ZFAND3: variants seen among roughly 807,000 people sequenced by gnomAD.
ZFAND3 encodes the protein zinc finger AN1-type containing 3.
Under a neutral mutation model 29.6 loss-of-function variants are expected in ZFAND3, and 10 were observed. The observed-to-expected ratio is 0.34, with a 90% confidence interval of 0.21 to 0.57. ZFAND3 has a LOEUF of 0.57. Ranked by LOEUF, ZFAND3 falls within the 20% of genes least tolerant of loss-of-function variation. ZFAND3 has a pLI of 0.86. For missense variants in ZFAND3, 230 were observed against 304.5 expected, an observed-to-expected ratio of 0.76 and a Z score of 1.82; for synonymous variants, 128 against 112.6, an observed-to-expected ratio of 1.14 and a Z score of -0.87.
At chr6:37,910,855 G>C (rs780179900) in intron 1 of ZFAND3, among the ~76,000 whole-genome samples, 2 of 152,078 alleles carry the variant, frequency 1.3e-5, no homozygotes, top group Non-Finnish European at 2.9e-5. Context: ...GGTTCATCCA[G>C]GTTTTTACAA....
intron 1 of ZFAND3, among the ~76,000 whole-genome samples, chr6:37,922,714 T>C (rs1190537069): frequency 1.3e-5 from 2 of 152,208 alleles, no homozygotes; most frequent in Non-Finnish European, 2.9e-5. Context: ...TATTGAATAC[T>C]GTAGGCAGTT....
chr6:38,100,591 C>A (rs1305755258), intron 4 of ZFAND3, among the ~76,000 whole-genome samples: 1 of 152,224 alleles, frequency 6.6e-6, no homozygotes, highest in East Asian at 1.9e-4. Flanking sequence ...TCTGACCCTA[C>A]TGTTGATTAC....
At chr6:37,896,198 C>T (rs914510402) in intron 1 of ZFAND3, among the ~76,000 whole-genome samples, 1 of 151,808 alleles carries the variant, frequency 6.6e-6, no homozygotes, top group Admixed American at 6.6e-5. Flanking sequence ...TTACAGTATC[C>T]TTTTTTTCTG....
chr6:37,921,827 C>CT (rs1453054401), intron 1 of ZFAND3, among the ~76,000 whole-genome samples: 1 of 149,480 alleles, frequency 6.7e-6, no homozygotes, highest in African/African-American at 2.5e-5. Flanking sequence ...AGGTAGATTG[C>CT]TTGAGCTCAC....
chr6:37,882,457 G>T (rs1485364687), intron 1 of ZFAND3, among the ~76,000 whole-genome samples: 2 of 152,128 alleles, frequency 1.3e-5, no homozygotes, highest in African/African-American at 4.8e-5. Flanking sequence ...TGCTTGAAAG[G>T]ATTGCATGGC....
chr6:38,138,635 GA>G (rs1464747608), intron 5 of ZFAND3, among the ~76,000 whole-genome samples: 1 of 152,186 alleles, frequency 6.6e-6, no homozygotes, highest in African/African-American at 2.4e-5. Flanking sequence ...GTGCAGAGCC[GA>G]TTCAGGACAT....
intron 1 of ZFAND3, among the ~76,000 whole-genome samples, chr6:37,894,826 C>T (rs1458012691): frequency 1.3e-5 from 2 of 152,192 alleles, no homozygotes; most frequent in African/African-American, 4.8e-5. Context: ...AGATGTTGCT[C>T]TACTGTCTTT....
rs753448448 is a variant in ZFAND3, at chr6:38,152,282, A to G, written c.577A>G (p.Thr193Ala). ...TCGCCTCCCCGAGCAGCACGACTGCACATTCGACCACATGGGCCGTGGCCG... is the reference window on the plus strand; with the variant it reads ...TCGCCTCCCCGAGCAGCACGACTGCGCATTCGACCACATGGGCCGTGGCCG... ...LHRLPEQHDC[T>A]FDHMGRGREE... Residue 193 changes from threonine (T) to alanine (A), a missense_variant, in exon 6 of 6, where the codon ACA (threonine) becomes GCA (alanine). Coordinates refer to ENST00000287218, the MANE Select transcript of ZFAND3 (RefSeq NM_021943.3). The G allele has an allele frequency of 6.2e-7, 1 of 1,604,526 alleles. No individual in the cohort carries two copies. Among genetic ancestry groups the G allele is most frequent in the Non-Finnish European group, 8.5e-7 (1 of 1,176,118 alleles).
chr6:37,886,005 A>T (rs1764982696), intron 1 of ZFAND3, among the ~76,000 whole-genome samples: 1 of 151,912 alleles, frequency 6.6e-6, no homozygotes, highest in African/African-American at 2.4e-5. Flanking sequence ...TGGGAAGCTG[A>T]GGTGGGTGGA....
intron 5 of ZFAND3, among the ~76,000 whole-genome samples, chr6:38,124,378 G>A (rs895720731): frequency 6.6e-6 from 1 of 152,206 alleles, no homozygotes; most frequent in African/African-American, 2.4e-5. Flanking sequence ...TGGAGCAGGG[G>A]GCGGCGCTCC....
chr6:38,074,826 T>A (rs1488747417), intron 3 of ZFAND3, among the ~76,000 whole-genome samples: 1 of 152,188 alleles, frequency 6.6e-6, no homozygotes, highest in East Asian at 1.9e-4. Context: ...TGACTTTAAG[T>A]GGAAGCCAGT....
At chr6:37,880,455 A>G (rs959412837) in intron 1 of ZFAND3, among the ~76,000 whole-genome samples, 9 of 152,224 alleles carry the variant, frequency 5.9e-5, no homozygotes, top group Admixed American at 2.6e-4. Context: ...AGAATCTTTC[A>G]CCAGAGATGT....
At chr6:37,987,154 A>AAT (rs1477094811) in intron 2 of ZFAND3, among the ~76,000 whole-genome samples, 2 of 152,222 alleles carry the variant, frequency 1.3e-5, no homozygotes, top group East Asian at 3.8e-4. Context: ...AAAACATTAT[A>AAT]AACTCAGAAC....
intron 2 of ZFAND3, among the ~76,000 whole-genome samples, chr6:37,985,733 C>T (rs1188168748): frequency 6.6e-6 from 1 of 152,096 alleles, no homozygotes; most frequent in Admixed American, 6.6e-5. Flanking sequence ...TTAAGGTTCA[C>T]AGTGCCACCA....
At chr6:38,075,332 T>C (rs1764531613) in intron 3 of ZFAND3, among the ~76,000 whole-genome samples, 1 of 152,138 alleles carries the variant, frequency 6.6e-6, no homozygotes, top group South Asian at 2.1e-4. Context: ...AACAGAAGTT[T>C]GGAAGAAGTT....
At chr6:38,024,128 A>T (rs941717800) in intron 2 of ZFAND3, among the ~76,000 whole-genome samples, 2 of 152,152 alleles carry the variant, frequency 1.3e-5, no homozygotes, top group African/African-American at 4.8e-5. Context: ...GTATGATTCA[A>T]CCCAGCAGTT....
rs765931364 is a variant in ZFAND3 at position 38,118,774 on chromosome 6, A to AC, written c.529+2035_529+2036insC. Among the ~76,000 whole-genome samples the AC allele has an allele frequency of 5.9e-5, 9 of 151,568 alleles. No individual in the cohort carries two copies. In the South Asian group the frequency reaches 6.3e-4, roughly 11 times the overall value. ...CCACCTGAAAAAAAAGAAAAAAAAA[A>AC]AAACAGTAATATATGTTAGATGACT... On this transcript the variant is annotated intron_variant, in intron 5 of 5. Coordinates refer to ENST00000287218, the MANE Select transcript of ZFAND3 (RefSeq NM_021943.3).
chr6:38,072,487 CCTT>C (rs1470270637), intron 3 of ZFAND3, among the ~76,000 whole-genome samples: 7 of 152,142 alleles, frequency 4.6e-5, no homozygotes, highest in African/African-American at 1.7e-4. Context: ...AATGCTCTGT[CCTT>C]CTCTGTGAAA....
chr6:38,134,331 C>G (rs1765800954), intron 5 of ZFAND3, among the ~76,000 whole-genome samples: 1 of 152,164 alleles, frequency 6.6e-6, no homozygotes, highest in African/African-American at 2.4e-5. Context: ...CCTTGGTGCT[C>G]CCGATTTATT....
Sources: gnomAD v4.1 joint callset for allele counts (sites outside exome capture counted in the v4.1 genomes callset) on GRCh38, gnomAD v4.1.1 for gene constraint, MANE v1.5 for transcripts, NCBI Gene and HGNC (gene_info 2026-07-23, HGNC 2026-07-21) for gene names.